Variants in SLC35D4 observed in about 807,000 individuals in gnomAD.
SLC35D4 encodes the protein solute carrier family 35 member D4, also known as UDP-N-acetylglucosamine transporter SLC35D4.
the SLC35D4 span, among the ~76,000 whole-genome samples, chr18:23,350,621 T>G: frequency 6.6e-6 from 1 of 152,070 alleles, no homozygotes; most frequent in Non-Finnish European, 1.5e-5. Context: ...AACTACCTAT[T>G]AAGTCCCCCA....
the SLC35D4 span, chr18:23,371,309 G>A: frequency 1.3e-6 from 1 of 793,076 alleles, no homozygotes; most frequent in Non-Finnish European, 1.9e-6. Context: ...TGCCCAGGCT[G>A]GTCTTCCATT....
the SLC35D4 span, among the ~76,000 whole-genome samples, chr18:23,339,632 A>G: frequency 6.6e-6 from 1 of 152,232 alleles, no homozygotes; most frequent in Non-Finnish European, 1.5e-5. Context: ...CTGCTATAAC[A>G]AAATTCTATA....
the SLC35D4 span, chr18:23,257,412 T>C: frequency 6.5e-7 from 1 of 1,542,456 alleles, no homozygotes; most frequent in Non-Finnish European, 8.7e-7. Context: ...CTCAGCTTGG[T>C]GGAGCAGCAC....
the SLC35D4 span, among the ~76,000 whole-genome samples, chr18:23,246,592 C>A: frequency 6.6e-6 from 1 of 151,644 alleles, no homozygotes; most frequent in Admixed American, 6.6e-5. Flanking sequence ...GGGGTTTCAC[C>A]GTGTTAGCCA....
At chr18:23,275,295 G>C in the SLC35D4 span, among the ~76,000 whole-genome samples, 31,039 of 151,996 alleles carry the variant, frequency 0.2, 6,902 homozygotes, top group African/African-American at 0.55. Flanking sequence ...TCTGGCCCCA[G>C]AGGACTGCTC....
chr18:23,405,181 C>A, the SLC35D4 span, among the ~76,000 whole-genome samples: 2 of 151,836 alleles, frequency 1.3e-5, no homozygotes, highest in East Asian at 3.9e-4. Context: ...AAATAAATTT[C>A]TGTTGTTTAT....
At chr18:23,432,540 G>A in the SLC35D4 span, among the ~76,000 whole-genome samples, 1 of 151,944 alleles carries the variant, frequency 6.6e-6, no homozygotes, top group Non-Finnish European at 1.5e-5. Context: ...AATTAGCCGG[G>A]CGTGGTGGTA....
chr18:23,314,281 C>A, the SLC35D4 span, among the ~76,000 whole-genome samples: 1 of 152,250 alleles, frequency 6.6e-6, no homozygotes, highest in Non-Finnish European at 1.5e-5. Flanking sequence ...ATGTCACTTG[C>A]TCCACAGTTA....
chr18:23,370,236 GGAC>G, the SLC35D4 span: 7 of 1,611,480 alleles, frequency 4.3e-6, no homozygotes, highest in Non-Finnish European at 5.9e-6. Flanking sequence ...TGGGTTTCTG[GGAC>G]TTCTGTAGAA....
the SLC35D4 span, among the ~76,000 whole-genome samples, chr18:23,285,044 T>TC: frequency 1.3e-5 from 2 of 152,178 alleles, no homozygotes; most frequent in Non-Finnish European, 2.9e-5. Flanking sequence ...AGCCATCATA[T>TC]CCCCTGTGAC....
chr18:23,299,808 G>A, the SLC35D4 span, among the ~76,000 whole-genome samples: 2 of 152,168 alleles, frequency 1.3e-5, no homozygotes, highest in Non-Finnish European at 2.9e-5. Flanking sequence ...GTTCACAATG[G>A]GGATGGAGGA....
the SLC35D4 span, among the ~76,000 whole-genome samples, chr18:23,342,687 T>C: frequency 6.6e-6 from 1 of 152,236 alleles, no homozygotes; most frequent in Non-Finnish European, 1.5e-5. Context: ...CTACCAGCAA[T>C]TTATGAATGT....
the SLC35D4 span, among the ~76,000 whole-genome samples, chr18:23,372,810 C>T: frequency 6.6e-6 from 1 of 152,266 alleles, no homozygotes; most frequent in East Asian, 1.9e-4. Context: ...TTGACTTCTG[C>T]CTGAGCAAAG....
chr18:23,413,730 G>C, the SLC35D4 span, among the ~76,000 whole-genome samples: 2 of 151,832 alleles, frequency 1.3e-5, no homozygotes, highest in Non-Finnish European at 2.9e-5. Flanking sequence ...TTCGAGACCA[G>C]CCTGGCCAAC....
At chr18:23,291,749 C>T in the SLC35D4 span, among the ~76,000 whole-genome samples, 2 of 152,216 alleles carry the variant, frequency 1.3e-5, no homozygotes, top group East Asian at 1.9e-4. Context: ...ATTTCCATCA[C>T]ACCTTATTGG....
the SLC35D4 span, among the ~76,000 whole-genome samples, chr18:23,411,535 A>AAGAAAGAAAGAAAGAG: frequency 6.6e-6 from 1 of 150,880 alleles, no homozygotes; most frequent in East Asian, 2.0e-4. Context: ...GAAAGAAAGA[A>AAGAAAGAAAGAAAGAG]AGAAAGAAAG....
the SLC35D4 span, among the ~76,000 whole-genome samples, chr18:23,256,467 G>A: frequency 3.3e-5 from 5 of 152,152 alleles, no homozygotes; most frequent in Non-Finnish European, 7.3e-5. Context: ...ATTGTCGTGC[G>A]TGGTTTGCTT....
At chr18:23,392,819 CAGAGGAG>C in the SLC35D4 span, among the ~76,000 whole-genome samples, 1 of 152,238 alleles carries the variant, frequency 6.6e-6, no homozygotes, top group Non-Finnish European at 1.5e-5. Context: ...CACAGGAACA[CAGAGGAG>C]TTCTGAGTGA....
At chr18:23,255,455 C>A in the SLC35D4 span, among the ~76,000 whole-genome samples, 1 of 152,006 alleles carries the variant, frequency 6.6e-6, no homozygotes, top group Admixed American at 6.6e-5. Context: ...GGTACAAAAT[C>A]ATCTAGCTTA....
Sources: gnomAD v4.1 joint callset for allele counts (sites outside exome capture counted in the v4.1 genomes callset) on GRCh38, gnomAD v4.1.1 for gene constraint, MANE v1.5 for transcripts, NCBI Gene and HGNC (gene_info 2026-07-23, HGNC 2026-07-21) for gene names.